The following ASTN2 variants were observed in gnomAD, a reference collection of about 807,000 sequenced individuals.
The protein encoded by ASTN2 is astrotactin 2, also known as astrotactin-2.
In ASTN2, 54 loss-of-function variants were observed where a neutral mutation model predicts 139.8. The ratio of observed to expected loss-of-function variants is 0.39; its 90% confidence interval spans 0.31 to 0.48. ASTN2 has a LOEUF of 0.48. Among genes scored for constraint, ASTN2 ranks in the 20% least tolerant of loss-of-function variants. The probability of loss-of-function intolerance (pLI) is 0.95; values close to 1 mark genes in which losing one functional copy is unlikely to be tolerated. For missense variants in ASTN2, 1,565 were observed against 1,725.1 expected (o/e 0.91, Z 1.64); for synonymous variants, 756 against 719.5 (o/e 1.05, Z -0.81).
At chr9:116,951,552 A>C (rs1835564509) in intron 10 of ASTN2, among the ~76,000 whole-genome samples, 1 of 152,082 alleles carries the variant, frequency 6.6e-6, no homozygotes, top group Non-Finnish European at 1.5e-5. Context: ...AAGGTCCTTC[A>C]ATAAACTGAA....
intron 1 of ASTN2, among the ~76,000 whole-genome samples, chr9:117,395,945 G>A (rs1041624270): frequency 6.6e-6 from 1 of 152,218 alleles, no homozygotes; most frequent in Non-Finnish European, 1.5e-5. Flanking sequence ...AAGTCAGTGT[G>A]ATCTGGGAAT....
At chr9:117,135,854 C>G (rs1365053513) in intron 4 of ASTN2, among the ~76,000 whole-genome samples, 1 of 152,116 alleles carries the variant, frequency 6.6e-6, no homozygotes, top group African/African-American at 2.4e-5. Context: ...GATCAGCACT[C>G]GGACCTAGAA....
intron 19 of ASTN2, among the ~76,000 whole-genome samples, chr9:116,509,453 G>A (rs1850267672): frequency 6.6e-6 from 1 of 152,094 alleles, no homozygotes; most frequent in South Asian, 2.1e-4. Context: ...ATTGAGAATA[G>A]TGCCGCAATA....
At chr9:117,264,824 T>C (rs1028104028) in intron 2 of ASTN2, among the ~76,000 whole-genome samples, 2 of 152,300 alleles carry the variant, frequency 1.3e-5, no homozygotes, top group African/African-American at 2.4e-5. Context: ...AGTAAAAACG[T>C]TCCCTTAGAA....
intron 13 of ASTN2, among the ~76,000 whole-genome samples, chr9:116,737,453 GTGTGTGTGTGTGAA>G (rs1828960818): frequency 8.0e-6 from 1 of 125,158 alleles, no homozygotes; most frequent in African/African-American, 3.2e-5. Flanking sequence ...TAGCGCTCGT[GTGTGTGTGTGTGAA>G]TGTGTGTGTG....
intron 10 of ASTN2, among the ~76,000 whole-genome samples, chr9:116,963,829 G>A (rs907918801): frequency 2.0e-5 from 3 of 152,314 alleles, no homozygotes; most frequent in African/African-American, 7.2e-5. Flanking sequence ...GAGGTTTGGT[G>A]AGAAGTGGTT....
At chr9:117,054,096 A>T (rs1000681795) in intron 5 of ASTN2, among the ~76,000 whole-genome samples, 6 of 152,062 alleles carry the variant, frequency 3.9e-5, no homozygotes, top group African/African-American at 1.2e-4. Context: ...ACATTTCCAC[A>T]TGGAAATCTC....
intron 2 of ASTN2, among the ~76,000 whole-genome samples, chr9:117,237,390 A>G (rs1833077175): frequency 6.6e-6 from 1 of 152,176 alleles, no homozygotes; most frequent in Non-Finnish European, 1.5e-5. Context: ...CACAGAGCCC[A>G]GTTAGTACTG....
chr9:116,947,684 T>C (rs1329425231), intron 10 of ASTN2, among the ~76,000 whole-genome samples: 2 of 152,194 alleles, frequency 1.3e-5, no homozygotes, highest in Non-Finnish European at 2.9e-5. Flanking sequence ...TATTTTTCCA[T>C]GAACCATTGG....
intron 4 of ASTN2, among the ~76,000 whole-genome samples, chr9:117,101,675 TA>T (rs1420677628): frequency 6.6e-6 from 1 of 152,134 alleles, no homozygotes; most frequent in Non-Finnish European, 1.5e-5. Flanking sequence ...GGTGGACAAA[TA>T]AATATTCAGA....
At position 116,430,897 on chromosome 9, in the gene ASTN2, ATCAAAAGG is replaced by A. The variant is rs1319242564; in HGVS notation, c.3783-4817_3783-4810del. Among the ~76,000 whole-genome samples, 6 of 152,370 alleles carry A rather than the reference ATCAAAAGG, an allele frequency of 3.9e-5. No individual in the cohort carries two copies. In the East Asian group the frequency reaches 1.2e-3, roughly 29 times the overall value. The stretch of plus-strand genomic sequence containing the variant: ...AATTGTAGGCAATGGAGATCCATAA[ATCAAAAGG>A]TCAGGCATGCTTCAAGCTTTCCCTG... On this transcript the variant is annotated intron_variant, in intron 22 of 22. Transcript: ENST00000313400.
chr9:116,865,763 A>G (rs1195847430), intron 10 of ASTN2, among the ~76,000 whole-genome samples: 3 of 152,202 alleles, frequency 2.0e-5, no homozygotes, highest in African/African-American at 7.2e-5. Flanking sequence ...TGGTACCTGC[A>G]GGCACCTCTC....
intron 13 of ASTN2, among the ~76,000 whole-genome samples, chr9:116,776,578 G>GC (rs1376812162): frequency 9.9e-5 from 15 of 152,112 alleles, no homozygotes; most frequent in African/African-American, 3.4e-4. Context: ...ATGTAAAATG[G>GC]CCTTGGTTAT....
chr9:116,527,435 C>A (rs1851143029), intron 19 of ASTN2, among the ~76,000 whole-genome samples: 1 of 152,132 alleles, frequency 6.6e-6, no homozygotes, highest in South Asian at 2.1e-4. Flanking sequence ...TGCTCAATAT[C>A]ACTAACCACC....
chr9:117,371,236 G>A (rs1407343597), intron 1 of ASTN2, among the ~76,000 whole-genome samples: 1 of 151,832 alleles, frequency 6.6e-6, no homozygotes, highest in Non-Finnish European at 1.5e-5. Flanking sequence ...TAACAATCCC[G>A]AGGGAAGGCC....
At chr9:116,868,408 G>A (rs1163094738) in intron 10 of ASTN2, among the ~76,000 whole-genome samples, 2 of 152,122 alleles carry the variant, frequency 1.3e-5, no homozygotes, top group Admixed American at 1.3e-4. Context: ...AACTTACCCT[G>A]TGTCTTGGGC....
intron 13 of ASTN2, among the ~76,000 whole-genome samples, chr9:116,734,556 T>C (rs1024273985): frequency 1.3e-5 from 2 of 151,808 alleles, no homozygotes; most frequent in African/African-American, 4.8e-5. Flanking sequence ...AGACATGAAT[T>C]ATAGTCTGGA....
chr9:116,674,714 C>T (rs1859399647), intron 16 of ASTN2, among the ~76,000 whole-genome samples: 1 of 152,184 alleles, frequency 6.6e-6, no homozygotes, highest in Admixed American at 6.5e-5. Context: ...TCCAACCACC[C>T]TGACCAATCC....
intron 11 of ASTN2, among the ~76,000 whole-genome samples, chr9:116,859,652 C>T (rs1475073454): frequency 6.6e-6 from 1 of 152,166 alleles, no homozygotes; most frequent in Non-Finnish European, 1.5e-5. Context: ...AATGAGTGTT[C>T]TAAAAGGGGT....
Sources: allele counts gnomAD v4.1 joint callset (sites outside exome capture counted in the v4.1 genomes callset), GRCh38; gene constraint gnomAD v4.1.1; transcripts MANE v1.5; gene names NCBI Gene and HGNC (gene_info 2026-07-23, HGNC 2026-07-21).